OSTF1: variants seen among roughly 807,000 people sequenced by gnomAD.
OSTF1 encodes the protein osteoclast-stimulating factor 1.
In OSTF1, 27 loss-of-function variants were observed where a neutral mutation model predicts 37.2. The observed-to-expected ratio is 0.73, with a 90% CI of 0.54 to 1.00. The LOEUF (loss-of-function observed/expected upper bound fraction) is 1.00, where lower values mean the gene tolerates loss of function less well. Ranked by LOEUF, OSTF1 falls within the 50% of genes least tolerant of loss-of-function variation. The probability of loss-of-function intolerance (pLI) is 0.00; values close to 1 mark genes in which losing one functional copy is unlikely to be tolerated. For missense variants in OSTF1, 232 were observed against 253.8 expected (o/e 0.91, Z 0.58); for synonymous variants, 82 against 89.2 (o/e 0.92, Z 0.46).
rs1825543061 is a variant in OSTF1 at position 75,119,426 on chromosome 9, G to A, written c.81+1876G>A. Among the ~76,000 whole-genome samples the A allele has an allele frequency of 2.0e-5, 3 of 152,210 alleles. No homozygotes were observed. The South Asian group carries it at 6.2e-4, about 32-fold the overall frequency. ...TTCCACTGACAACTCTCCTGTGTTGGTGAGGGATTGGGAATGGGTAGAGTT... is the reference window on the plus strand; with the variant it reads ...TTCCACTGACAACTCTCCTGTGTTGATGAGGGATTGGGAATGGGTAGAGTT... On this transcript the variant is annotated intron_variant, in intron 2 of 9. Transcript: ENST00000346234.
intron 1 of OSTF1, among the ~76,000 whole-genome samples, chr9:75,110,912 G>T (rs1485838089): frequency 6.6e-6 from 1 of 152,016 alleles, no homozygotes; most frequent in East Asian, 1.9e-4. Flanking sequence ...TAGAGCTGGG[G>T]TCTCATTGTG....
chr9:75,092,860 A>G (rs1207314469), intron 1 of OSTF1, among the ~76,000 whole-genome samples: 3 of 152,076 alleles, frequency 2.0e-5, no homozygotes, highest in Admixed American at 6.6e-5. Context: ...ATTCTGTCGC[A>G]GTTTGACCTT....
intron 1 of OSTF1, among the ~76,000 whole-genome samples, chr9:75,094,127 G>A (rs563100435): frequency 6.6e-6 from 1 of 152,328 alleles, no homozygotes; most frequent in South Asian, 2.1e-4. Flanking sequence ...TATGAGCAGA[G>A]AAACCTGCCA....
intron 9 of OSTF1, among the ~76,000 whole-genome samples, chr9:75,143,922 G>C (rs1825982590): frequency 6.6e-6 from 1 of 152,194 alleles, no homozygotes; most frequent in Admixed American, 6.5e-5. Context: ...CCTGTCTTTT[G>C]ATGACCACTC....
At chr9:75,134,307 T>C in intron 6 of OSTF1, 39 bp from the exon 7 acceptor site, 1 of 1,023,136 alleles carries the variant, frequency 9.8e-7, no homozygotes, top group South Asian at 1.4e-5. Context: ...GGCTTCTAAT[T>C]TTCGTTCTTA....
At chr9:75,141,038 C>A in intron 9 of OSTF1, 106 bp downstream of exon 9, 1 of 740,482 alleles carries the variant, frequency 1.4e-6, no homozygotes, top group Non-Finnish European at 2.2e-6. Flanking sequence ...GTGGCTTATA[C>A]CTGTAATCCC....
At chr9:75,128,389 T>TTTTTTGTCC (rs1221073344) in intron 3 of OSTF1, among the ~76,000 whole-genome samples, 1,133 of 98,188 alleles carry the variant, frequency 0.012, 168 homozygotes, top group African/African-American at 0.022. Context: ...TATATATATA[T>TTTTTTGTCC]ATATATATAT....
chr9:75,101,482 C>T (rs1825192855), intron 1 of OSTF1, among the ~76,000 whole-genome samples: 2 of 152,136 alleles, frequency 1.3e-5, no homozygotes, highest in African/African-American at 2.4e-5. Flanking sequence ...TTTCTGAACT[C>T]GTTTTCCTCT....
At chr9:75,118,706 A>G (rs559361649) in intron 2 of OSTF1, among the ~76,000 whole-genome samples, 171 of 152,292 alleles carry the variant, frequency 1.1e-3, no homozygotes, top group Non-Finnish European at 1.8e-3. Flanking sequence ...CTTACATGGC[A>G]GCAGACAAGA....
intron 9 of OSTF1, among the ~76,000 whole-genome samples, chr9:75,144,784 T>G (rs891821785): frequency 6.6e-6 from 1 of 152,210 alleles, no homozygotes; most frequent in Non-Finnish European, 1.5e-5. Context: ...AAACTTCCAT[T>G]TTCTCATACA....
At chr9:75,122,283 G>C (rs1587459747) in intron 2 of OSTF1, among the ~76,000 whole-genome samples, 1 of 152,186 alleles carries the variant, frequency 6.6e-6, no homozygotes, top group East Asian at 1.9e-4. Context: ...GTAGAGGAAG[G>C]AGACTGGGAA....
intron 1 of OSTF1, among the ~76,000 whole-genome samples, chr9:75,089,387 G>C (rs1036473848): frequency 6.6e-6 from 1 of 151,920 alleles, no homozygotes; most frequent in Non-Finnish European, 1.5e-5. Flanking sequence ...AGACGTTGGC[G>C]TGCTAAACCT....
At chr9:75,145,990 T>A (rs547565371) in intron 9 of OSTF1, among the ~76,000 whole-genome samples, 8 of 152,308 alleles carry the variant, frequency 5.3e-5, no homozygotes, top group African/African-American at 1.9e-4. Context: ...TGCTGTGACA[T>A]ATATTTATTG....
intron 9 of OSTF1, 66 bp downstream of exon 9, chr9:75,140,998 G>A (rs1404435030): frequency 7.7e-6 from 9 of 1,168,398 alleles, no homozygotes; most frequent in Admixed American, 1.8e-5. Flanking sequence ...ACTTAGAATG[G>A]CGCAAAAGAG....
chr9:75,088,535 T>A lies in OSTF1; in HGVS notation c.-158T>A. ...GAGCACTCGGCGGAGCCGCTCTGCC[T>A]GCGTCCGCTCTTCCCGCAGCCAAGG... On this transcript the variant is annotated 5_prime_UTR_variant, in exon 1 of 10. Coordinates refer to ENST00000346234, the MANE Select transcript of OSTF1 (RefSeq NM_012383.5). 1 of 771,522 alleles carries A rather than the reference T, an allele frequency of 1.3e-6. No homozygotes were observed. Among genetic ancestry groups the A allele is most frequent in the South Asian group, 1.6e-5 (1 of 62,102 alleles). 47.8% of individuals were successfully genotyped at this position (771,522 alleles called of 1,614,324 possible).
chr9:75,112,938 A>C (rs1347400952), intron 1 of OSTF1, among the ~76,000 whole-genome samples: 4 of 152,194 alleles, frequency 2.6e-5, no homozygotes, highest in Non-Finnish European at 5.9e-5. Context: ...TCAGAGAGAC[A>C]ATCTAGTCAG....
intron 1 of OSTF1, among the ~76,000 whole-genome samples, chr9:75,111,080 A>G (rs140658808): frequency 6.6e-6 from 1 of 152,152 alleles, no homozygotes; most frequent in Non-Finnish European, 1.5e-5. Flanking sequence ...TTTTTCACCA[A>G]CAGGAAATAA....
chr9:75,092,663 T>C (rs148047316), intron 1 of OSTF1, among the ~76,000 whole-genome samples: 117 of 152,346 alleles, frequency 7.7e-4, no homozygotes, highest in Middle Eastern at 3.4e-3. Context: ...TGATAATCAC[T>C]ATTTACATTT....
At chr9:75,138,918 G>A (rs1825883964) in intron 8 of OSTF1, among the ~76,000 whole-genome samples, 1 of 151,932 alleles carries the variant, frequency 6.6e-6, no homozygotes, top group Non-Finnish European at 1.5e-5. Context: ...ACTGTGAATA[G>A]AATGATCTGC....
Sources: allele counts gnomAD v4.1 joint callset (sites outside exome capture counted in the v4.1 genomes callset), GRCh38; gene constraint gnomAD v4.1.1; transcripts MANE v1.5; gene names NCBI Gene and HGNC (gene_info 2026-07-23, HGNC 2026-07-21).